The following CD302 variants were observed in gnomAD, a reference collection of about 807,000 sequenced individuals.
The protein encoded by CD302 is CD302 antigen.
CD302 carries 23 observed loss-of-function variants against 26.5 expected under a neutral mutation model. That is an observed-to-expected ratio of 0.87 (90% confidence interval 0.62 to 1.23). The LOEUF (loss-of-function observed/expected upper bound fraction) is 1.23, where lower values mean the gene tolerates loss of function less well. CD302 is among the 50% of genes most tolerant of loss of function. The pLI, the probability that CD302 is intolerant of heterozygous loss-of-function variation, is 0.00. For missense variants in CD302, 290 were observed against 275.5 expected (o/e 1.05, Z -0.37); for synonymous variants, 90 against 99.4 (o/e 0.91, Z 0.56).
chr2:159,783,800 C>T (rs1708587630), intron 1 of CD302, among the ~76,000 whole-genome samples: 1 of 152,192 alleles, frequency 6.6e-6, no homozygotes, highest in Non-Finnish European at 1.5e-5. Context: ...CAGGATTACA[C>T]ACTTCTCTTT....
At chr2:159,779,900 G>C in intron 4 of CD302, 105 bp downstream of exon 4, 4 of 1,370,392 alleles carry the variant, frequency 2.9e-6, no homozygotes, top group Non-Finnish European at 4.0e-6. Flanking sequence ...ACTGTGCCTA[G>C]CCTTATTCTA....
At chr2:159,774,883 G>C (rs1172948186) in intron 5 of CD302, among the ~76,000 whole-genome samples, 1 of 152,156 alleles carries the variant, frequency 6.6e-6, no homozygotes, top group African/African-American at 2.4e-5. Flanking sequence ...CTGTTGGGTT[G>C]TTTCCTTGCT....
At chr2:159,783,102 A>AC (rs1194217870) in intron 2 of CD302, among the ~76,000 whole-genome samples, 1 of 152,234 alleles carries the variant, frequency 6.6e-6, no homozygotes, top group African/African-American at 2.4e-5. Context: ...GTGCTTAAGC[A>AC]CAGTGCCTGG....
intron 4 of CD302, among the ~76,000 whole-genome samples, chr2:159,779,248 A>C (rs897776404): frequency 1.3e-4 from 19 of 151,346 alleles, no homozygotes; most frequent in Non-Finnish European, 2.2e-4. Context: ...AAAAAAAAAA[A>C]AAAAAAAACC....
rs532724844 is a variant in CD302 at position 159,770,653 on chromosome 2, A to C, written c.*1198T>G. ...ACATATAGAACAGTGTTTCCTTAGT[A>C]GACCATATTTTTACTGTACCTTTTC... On this transcript the variant is annotated 3_prime_UTR_variant, in exon 6 of 6. Coordinates refer to ENST00000259053, the MANE Select transcript of CD302 (RefSeq NM_014880.5). The C allele has an allele frequency of 3.3e-5, 5 of 152,288 alleles. No individual in the cohort carries two copies. The highest frequency in any genetic ancestry group is 5.9e-5 in the Non-Finnish European group (4 of 68,018). The allele number at this position is 152,288 out of a possible 1,614,324, so 9.4% of individuals were successfully genotyped here.
chr2:159,772,277 T>C (rs891771867), intron 5 of CD302, among the ~76,000 whole-genome samples: 1 of 152,226 alleles, frequency 6.6e-6, no homozygotes, highest in African/African-American at 2.4e-5. Context: ...ACTTCTCCAC[T>C]CTACTGAAGA....
chr2:159,772,622 C>T (rs72965351), intron 5 of CD302, among the ~76,000 whole-genome samples: 9,826 of 152,162 alleles, frequency 0.065, 400 homozygotes, highest in Non-Finnish European at 0.093. Context: ...CTATAAGAAT[C>T]CAGTTTAATA....
chr2:159,768,985 A>G lies in CD302; in HGVS notation c.*2866T>C, dbSNP rs1210255214. 1 of 152,230 alleles carries G rather than the reference A, an allele frequency of 6.6e-6. No individual in the cohort carries two copies. The highest frequency in any genetic ancestry group is 6.5e-5 in the Admixed American group (1 of 15,278). 9.4% of individuals were successfully genotyped at this position (152,230 alleles called of 1,614,324 possible). ...GTGATAACAATGGCTTAAGCTTTAC[A>G]GTATTCTTGTAGTTCCCTAGTACCA... On this transcript the variant is annotated 3_prime_UTR_variant, in exon 6 of 6. Coordinates refer to ENST00000259053, the MANE Select transcript of CD302 (RefSeq NM_014880.5).
At chr2:159,780,668 T>C (rs1708479214) in intron 3 of CD302, among the ~76,000 whole-genome samples, 1 of 152,218 alleles carries the variant, frequency 6.6e-6, no homozygotes, top group Non-Finnish European at 1.5e-5. Flanking sequence ...AGCCACATTT[T>C]AATCCAGACA....
intron 3 of CD302, 144 bp downstream of exon 3, chr2:159,780,738 T>C: frequency 2.7e-6 from 2 of 735,152 alleles, no homozygotes; most frequent in East Asian, 5.0e-5. Flanking sequence ...CAAGCTGTGG[T>C]ATGATCATAG....
intron 2 of CD302, chr2:159,781,391 A>AT (rs74460838): frequency 0.33 from 50,439 of 154,600 alleles, 10,178 homozygotes; most frequent in Admixed American, 0.49. Context: ...CCTACCAAAA[A>AT]AAAATAAAAT....
At chr2:159,791,394 G>T (rs965160379) in intron 1 of CD302, among the ~76,000 whole-genome samples, 1 of 152,188 alleles carries the variant, frequency 6.6e-6, no homozygotes, top group Non-Finnish European at 1.5e-5. Flanking sequence ...TGTGTCTAGG[G>T]TTTTAAAAAT....
chr2:159,787,792 A>G (rs1708706178), intron 1 of CD302, among the ~76,000 whole-genome samples: 1 of 152,144 alleles, frequency 6.6e-6, no homozygotes, highest in Non-Finnish European at 1.5e-5. Flanking sequence ...GTGCAGGTCT[A>G]CTGGAAACTC....
In CD302 at chr2:159,771,594, T is replaced by C. The variant is rs1184856708; in HGVS notation, c.*257A>G. 1 of 365,532 alleles carries C rather than the reference T, an allele frequency of 2.7e-6. No homozygotes were observed. Among genetic ancestry groups the C allele is most frequent in the East Asian group, 5.3e-5 (1 of 18,748 alleles). 22.6% of individuals were successfully genotyped at this position (365,532 alleles called of 1,614,324 possible). ...TTTTTATCTGCTTGGGCTTTAAGCT[T>C]TCCTTCATTCAAGTGACAGATTCTG... On this transcript the variant is annotated 3_prime_UTR_variant, in exon 6 of 6. Coordinates refer to ENST00000259053, the MANE Select transcript of CD302 (RefSeq NM_014880.5).
In CD302 at chr2:159,777,980, A is replaced by C. The variant is rs1335302669; in HGVS notation, c.470-16T>G. 1.1e-6 allele frequency: 1 copy of C among 924,772 alleles called. No individual in the cohort carries two copies. The highest frequency in any genetic ancestry group is 3.6e-5 in the East Asian group (1 of 27,846). 57.3% of individuals were successfully genotyped at this position (924,772 alleles called of 1,614,324 possible). On this transcript the variant is annotated splice_polypyrimidine_tract_variant and intron_variant, in intron 4 of 5. Coordinates refer to ENST00000259053, the MANE Select transcript of CD302 (RefSeq NM_014880.5). The stretch of plus-strand genomic sequence containing the variant: ...TTGTATGGGACTAAAATACAAAAGA[A>C]AATAAAAATTAGAATTTAATTATGC...
In CD302 at chr2:159,769,347, A is replaced by G. The variant is rs946834248; in HGVS notation, c.*2504T>C. 6.6e-6 allele frequency: 1 copy of G among 152,192 alleles called. No individual in the cohort carries two copies. The highest frequency in any genetic ancestry group is 2.4e-5 in the African/African-American group (1 of 41,446). 9.4% of individuals were successfully genotyped at this position (152,192 alleles called of 1,614,324 possible). On this transcript the variant is annotated 3_prime_UTR_variant, in exon 6 of 6. Coordinates refer to ENST00000259053, the MANE Select transcript of CD302 (RefSeq NM_014880.5). Reference sequence around the variant, plus strand: ...GCCTGTTATAGATGTTCTGGTATATAAAGAAAAAATGTAGGCCAAGTGTGG... The same window carrying G: ...GCCTGTTATAGATGTTCTGGTATATGAAGAAAAAATGTAGGCCAAGTGTGG...
chr2:159,771,363 A>C lies in CD302; in HGVS notation c.*488T>G, dbSNP rs1201390344. The C allele has an allele frequency of 1.3e-5, 2 of 152,978 alleles. No individual in the cohort carries two copies. The highest frequency in any genetic ancestry group is 4.8e-5 in the African/African-American group (2 of 41,438). 9.5% of individuals were successfully genotyped at this position (152,978 alleles called of 1,614,324 possible). On this transcript the variant is annotated 3_prime_UTR_variant, in exon 6 of 6. Coordinates refer to ENST00000259053, the MANE Select transcript of CD302 (RefSeq NM_014880.5). ...GGTGTGGGGTGTTAAAAGTTGTAAA[A>C]TTTTCTTCATCTAAATCATAAAAAG...
intron 1 of CD302, among the ~76,000 whole-genome samples, chr2:159,788,394 C>T (rs1486900056): frequency 7.9e-5 from 12 of 152,208 alleles, no homozygotes; most frequent in Admixed American, 7.9e-4. Flanking sequence ...CATACAGGTT[C>T]CGCAAGTTAC....
At position 159,771,607 on chromosome 2, in the gene CD302, G is replaced by A. The variant is rs1574481598; in HGVS notation, c.*244C>T. 2 of 387,760 alleles carry A rather than the reference G, an allele frequency of 5.2e-6. No individual in the cohort carries two copies. The highest frequency in any genetic ancestry group is 4.3e-5 in the Admixed American group (1 of 23,140). The allele number at this position is 387,760 out of a possible 1,614,324, so 24.0% of individuals were successfully genotyped here. A position where few individuals can be genotyped will look rare whatever the true frequency, so the allele number is the denominator to read the frequency against. ...GGGCTTTAAGCTTTCCTTCATTCAA[G>A]TGACAGATTCTGCCTTTGACGGGAT... On this transcript the variant is annotated 3_prime_UTR_variant, in exon 6 of 6. Coordinates refer to ENST00000259053, the MANE Select transcript of CD302 (RefSeq NM_014880.5).
Sources: gnomAD v4.1 joint callset for allele counts (sites outside exome capture counted in the v4.1 genomes callset) on GRCh38, gnomAD v4.1.1 for gene constraint, MANE v1.5 for transcripts, NCBI Gene and HGNC (gene_info 2026-07-23, HGNC 2026-07-21) for gene names.